Variants in BTC observed in about 807,000 individuals in gnomAD.
BTC encodes betacellulin.
BTC carries 13 observed loss-of-function variants against 18.1 expected under a neutral mutation model. The observed-to-expected ratio is 0.72, with a 90% CI of 0.47 to 1.14. BTC has a LOEUF of 1.14. BTC is among the 50% of genes most tolerant of loss of function. The probability of loss-of-function intolerance (pLI) is 0.00; values close to 1 mark genes in which losing one functional copy is unlikely to be tolerated. For synonymous variants in BTC, 83 were observed against 79.4 expected (o/e 1.05, Z -0.24); for missense variants, 247 against 224.2 (o/e 1.10, Z -0.65).
At chr4:74,772,126 T>C (rs183724734) in intron 1 of BTC, among the ~76,000 whole-genome samples, 208 of 152,338 alleles carry the variant, frequency 1.4e-3, no homozygotes, top group Admixed American at 4.4e-3. Flanking sequence ...AACCTATCCA[T>C]ATAGTCAAAA....
At chr4:74,783,986 A>G (rs991362177) in intron 1 of BTC, among the ~76,000 whole-genome samples, 2 of 152,024 alleles carry the variant, frequency 1.3e-5, no homozygotes, top group Non-Finnish European at 2.9e-5. Flanking sequence ...TAATCCCTGC[A>G]CTTTGGGAGG....
At chr4:74,771,653 G>T (rs577547637) in intron 1 of BTC, among the ~76,000 whole-genome samples, 1 of 152,144 alleles carries the variant, frequency 6.6e-6, no homozygotes, top group Non-Finnish European at 1.5e-5. Context: ...TGTTTTCAAA[G>T]AAAGAAATGT....
intron 2 of BTC, among the ~76,000 whole-genome samples, chr4:74,767,769 C>T (rs1319991940): frequency 6.6e-6 from 1 of 151,972 alleles, no homozygotes; most frequent in East Asian, 1.9e-4. Flanking sequence ...AGCAAAGGTA[C>T]TAACAATACG....
At chr4:74,762,641 G>A (rs1724791402) in intron 2 of BTC, among the ~76,000 whole-genome samples, 1 of 151,992 alleles carries the variant, frequency 6.6e-6, no homozygotes, top group African/African-American at 2.4e-5. Flanking sequence ...ATGAGAAAGA[G>A]GGTGGAAAGG....
At position 74,758,758 on chromosome 4, in the gene BTC, C is replaced by T. The variant is rs983794768; in HGVS notation, c.164-2782G>A. Among the ~76,000 whole-genome samples, 20 of 152,142 alleles carry T rather than the reference C, an allele frequency of 1.3e-4. 1 individual carries two copies. Among genetic ancestry groups the T allele is most frequent in the Admixed American group, 1.3e-3 (20 of 15,276 alleles). ...AAATCTATGCCAAGGAAATATTTGC[C>T]AGGTCCTGTTTTGATCGCTCACAGA... On this transcript the variant is annotated intron_variant, in intron 2 of 5. Coordinates refer to ENST00000395743, the MANE Select transcript of BTC (RefSeq NM_001729.4).
intron 2 of BTC, among the ~76,000 whole-genome samples, chr4:74,766,841 G>C (rs1560716016): frequency 6.6e-6 from 1 of 151,898 alleles, no homozygotes; most frequent in Non-Finnish European, 1.5e-5. Flanking sequence ...AATTAATATA[G>C]ACTCATTCAT....
At chr4:74,775,256 C>T (rs1406719912) in intron 1 of BTC, among the ~76,000 whole-genome samples, 3 of 151,994 alleles carry the variant, frequency 2.0e-5, no homozygotes, top group South Asian at 4.1e-4. Context: ...TGAGAATAGA[C>T]TTCTCAAAAA....
Position 74,745,677 on chromosome 4 carries a change from A to G in BTC, c.*1000T>C, listed in dbSNP as rs1171305039. ...TGTCATCAAGAACATAAATGAGGAT[A>G]TGGTCACAACCGGTCCCTACCTGGT... On this transcript the variant is annotated 3_prime_UTR_variant, in exon 6 of 6. Coordinates refer to ENST00000395743, the MANE Select transcript of BTC (RefSeq NM_001729.4). 6.6e-6 allele frequency: 1 copy of G among 152,168 alleles called. No individual in the cohort carries two copies. Among genetic ancestry groups the G allele is most frequent in the East Asian group, 1.9e-4 (1 of 5,190 alleles). The allele number at this position is 152,168 out of a possible 1,614,324, so 9.4% of individuals were successfully genotyped here.
chr4:74,784,847 C>T (rs1447722790), intron 1 of BTC, among the ~76,000 whole-genome samples: 2 of 152,182 alleles, frequency 1.3e-5, no homozygotes, highest in Non-Finnish European at 2.9e-5. Context: ...TTGATTTTTG[C>T]ATCAACGTTC....
In BTC at chr4:74,745,036, T is replaced by C. The variant is rs1724256274; in HGVS notation, c.*1641A>G. 1.3e-5 allele frequency: 2 copies of C among 152,266 alleles called. No homozygotes were observed. Among genetic ancestry groups the C allele is most frequent in the South Asian group, 4.1e-4 (2 of 4,820 alleles). 9.4% of individuals were successfully genotyped at this position (152,266 alleles called of 1,614,324 possible). ...TGTTTTGTGTTTTTAAAAGCTCTAA[T>C]GGATATTTATTCCAAGCTCCTTTCG... On this transcript the variant is annotated 3_prime_UTR_variant, in exon 6 of 6. Coordinates refer to ENST00000395743, the MANE Select transcript of BTC (RefSeq NM_001729.4).
chr4:74,785,356 T>G (rs1725451783), intron 1 of BTC, among the ~76,000 whole-genome samples: 1 of 152,106 alleles, frequency 6.6e-6, no homozygotes, highest in Non-Finnish European at 1.5e-5. Flanking sequence ...TTTTATTAAT[T>G]TTTTCAAAAC....
intron 1 of BTC, among the ~76,000 whole-genome samples, chr4:74,786,123 T>C (rs1207147720): frequency 1.3e-5 from 2 of 152,204 alleles, no homozygotes; most frequent in Non-Finnish European, 2.9e-5. Context: ...CCTGTGTCTG[T>C]CACCCTGAGA....
intron 1 of BTC, among the ~76,000 whole-genome samples, chr4:74,789,200 A>T (rs1200086261): frequency 6.6e-6 from 1 of 152,230 alleles, no homozygotes; most frequent in Non-Finnish European, 1.5e-5. Flanking sequence ...GAAACAATTC[A>T]AAGCACTTTT....
intron 1 of BTC, among the ~76,000 whole-genome samples, chr4:74,785,735 T>C (rs1301291277): frequency 6.6e-6 from 1 of 152,236 alleles, no homozygotes; most frequent in African/African-American, 2.4e-5. Flanking sequence ...TGTTATCATC[T>C]CATATCACTG....
chr4:74,791,725 G>A lies in BTC; in HGVS notation c.64+2537C>T, dbSNP rs1197703038. The stretch of plus-strand genomic sequence containing the variant: ...ACTAAATGCCAGATGTATTTAAGGA[G>A]CATCTACATTTGTAATAGACATAAG... On this transcript the variant is annotated intron_variant, in intron 1 of 5. Coordinates refer to ENST00000395743, the MANE Select transcript of BTC (RefSeq NM_001729.4). 2.6e-5 allele frequency among the ~76,000 whole-genome samples: 4 copies of A among 152,304 alleles called. No homozygotes were observed. In the East Asian group the frequency reaches 5.8e-4, roughly 22 times the overall value.
At chr4:74,749,745 C>CAAAAAAAAAAAA (rs71220725) in intron 4 of BTC, among the ~76,000 whole-genome samples, 2 of 54,898 alleles carry the variant, frequency 3.6e-5, no homozygotes, top group African/African-American at 1.6e-4. Context: ...TCCTGCTCTG[C>CAAAAAAAAAAAA]AAAAAAAAAA....
Position 74,744,909 on chromosome 4 carries a change from T to A in BTC, c.*1768A>T, listed in dbSNP as rs1724252723. 6.6e-6 allele frequency: 1 copy of A among 152,190 alleles called. No homozygotes were observed. 9.4% of individuals were successfully genotyped at this position (152,190 alleles called of 1,614,324 possible). A position where few individuals can be genotyped will look rare whatever the true frequency, so the allele number is the denominator to read the frequency against. On this transcript the variant is annotated 3_prime_UTR_variant, in exon 6 of 6. Transcript: ENST00000395743. ...CTTTCTTGATATCAGATCTACCAAA[T>A]TTCGAGAGCCACCATTGATATTTTA... is the stretch of plus-strand genomic sequence containing the variant.
intron 2 of BTC, among the ~76,000 whole-genome samples, chr4:74,769,584 C>A (rs2109899416): frequency 6.6e-6 from 1 of 152,300 alleles, no homozygotes; most frequent in Admixed American, 6.5e-5. Flanking sequence ...AACACTAATT[C>A]AAGCATCTCC....
At chr4:74,756,101 T>A in intron 2 of BTC, 125 bp from the exon 3 acceptor site, 1 of 906,986 alleles carries the variant, frequency 1.1e-6, no homozygotes, top group Non-Finnish European at 1.8e-6. Context: ...TTTTTCTTTC[T>A]CTCTGCACTG....
Sources: gnomAD v4.1 joint callset for allele counts (sites outside exome capture counted in the v4.1 genomes callset) on GRCh38, gnomAD v4.1.1 for gene constraint, MANE v1.5 for transcripts, NCBI Gene and HGNC (gene_info 2026-07-23, HGNC 2026-07-21) for gene names.